Variants in PTPRE observed in about 807,000 individuals in gnomAD.
PTPRE encodes receptor-type tyrosine-protein phosphatase epsilon.
In PTPRE, 51 loss-of-function variants were observed where a neutral mutation model predicts 102.0. The observed-to-expected ratio is 0.50, with a 90% CI of 0.40 to 0.63. PTPRE has a LOEUF of 0.63. Among genes scored for constraint, PTPRE ranks in the 30% least tolerant of loss-of-function variants. The pLI is 0.00. For synonymous variants in PTPRE, 345 were observed against 348.2 expected, an observed-to-expected ratio of 0.99 and a Z score of 0.10; for missense variants, 752 against 915.1, an observed-to-expected ratio of 0.82 and a Z score of 2.30.
rs149717758 is a variant in PTPRE, at chr10:127,919,045, T to C, written c.-31+11736T>C. ...TATCTTGAAGATGCAAAAATTCATT[T>C]TGTACCTTTATTTTACACATCAGAC... On this transcript the variant is annotated intron_variant, in intron 1 of 20. Transcript: ENST00000254667. 3.7e-4 allele frequency among the ~76,000 whole-genome samples: 56 copies of C among 152,282 alleles called. No individual in the cohort carries two copies. In the East Asian group the frequency reaches 0.011, roughly 29 times the overall value.
At chr10:127,937,680 G>T (rs368310432) in intron 1 of PTPRE, among the ~76,000 whole-genome samples, 120 of 150,772 alleles carry the variant, frequency 8.0e-4, no homozygotes, top group African/African-American at 2.5e-3. Context: ...CCAACATGGT[G>T]AAACCCCATC....
At chr10:127,970,797 A>G (rs1270247077) in intron 1 of PTPRE, among the ~76,000 whole-genome samples, 4 of 151,456 alleles carry the variant, frequency 2.6e-5, no homozygotes, top group Non-Finnish European at 4.4e-5. Context: ...CCTTGTTACT[A>G]TGGAAGATTT....
chr10:128,021,117 G>A (rs901933198), intron 2 of PTPRE, among the ~76,000 whole-genome samples: 9 of 152,056 alleles, frequency 5.9e-5, no homozygotes, highest in Admixed American at 1.3e-4. Flanking sequence ...GGATGGTCTC[G>A]ATCTCCTGAC....
intron 3 of PTPRE, among the ~76,000 whole-genome samples, chr10:128,045,989 C>G (rs2135829000): frequency 6.6e-6 from 1 of 152,300 alleles, no homozygotes; most frequent in Middle Eastern, 3.4e-3. Flanking sequence ...GCCAGGTGAA[C>G]AGTGCCCTCT....
intron 1 of PTPRE, among the ~76,000 whole-genome samples, chr10:127,935,798 C>T (rs1478237304): frequency 6.6e-6 from 1 of 152,204 alleles, no homozygotes; most frequent in Non-Finnish European, 1.5e-5. Context: ...ACCCCTCCAC[C>T]TGAAGTCCAC....
rs142445895 is a variant in PTPRE at position 127,968,009 on chromosome 10, G to GGTGTGTGT, written c.-30-14234_-30-14227dup. Among the ~76,000 whole-genome samples, 1,418 of 143,190 alleles carry GGTGTGTGT rather than the reference G, an allele frequency of 9.9e-3. 16 individuals are homozygous for GGTGTGTGT. Among genetic ancestry groups the GGTGTGTGT allele is most frequent in the African/African-American group, 0.021 (797 of 38,496 alleles). 93.9% of individuals were successfully genotyped at this position (143,190 alleles called of 152,430 possible). A position where few individuals can be genotyped will look rare whatever the true frequency, so the allele number is the denominator to read the frequency against. On this transcript the variant is annotated intron_variant, in intron 1 of 20. Coordinates refer to ENST00000254667, the MANE Select transcript of PTPRE (RefSeq NM_006504.6). Reference sequence around the variant, plus strand: ...TGAATGCCTCCCAGGTTGCTCTATAGGTGTGTGTGTGTGTGTGTGTGTGTG... The same window carrying GGTGTGTGT: ...TGAATGCCTCCCAGGTTGCTCTATAGGTGTGTGTGTGTGTGTGTGTGTGTGTGTGTGTG...
chr10:128,010,960 C>A (rs1376580210), intron 2 of PTPRE, among the ~76,000 whole-genome samples: 1 of 152,142 alleles, frequency 6.6e-6, no homozygotes, highest in Non-Finnish European at 1.5e-5. Context: ...GGTTCGTGTC[C>A]CAGGAGCCAC....
chr10:127,981,327 A>G (rs921078330), intron 1 of PTPRE, among the ~76,000 whole-genome samples: 3 of 152,166 alleles, frequency 2.0e-5, no homozygotes, highest in Non-Finnish European at 4.4e-5. Flanking sequence ...CTTGGGAGCT[A>G]GTGAGCTAAT....
At chr10:127,977,451 C>G (rs1173290154) in intron 1 of PTPRE, among the ~76,000 whole-genome samples, 2 of 152,178 alleles carry the variant, frequency 1.3e-5, no homozygotes, top group African/African-American at 2.4e-5. Flanking sequence ...AAAAGACTAG[C>G]TTGGAGATAC....
At chr10:128,001,513 G>C (rs1270121266) in intron 2 of PTPRE, among the ~76,000 whole-genome samples, 1 of 152,154 alleles carries the variant, frequency 6.6e-6, no homozygotes, top group Non-Finnish European at 1.5e-5. Flanking sequence ...CTTCTTCGGG[G>C]CTGTTCAGTG....
At chr10:127,911,431 AACCC>A (rs2135129328) in intron 1 of PTPRE, among the ~76,000 whole-genome samples, 1 of 152,300 alleles carries the variant, frequency 6.6e-6, no homozygotes, top group South Asian at 2.1e-4. Context: ...AAGCAAACGA[AACCC>A]ACCCCTGAGA....
chr10:127,921,792 G>A (rs1382326290), intron 1 of PTPRE, among the ~76,000 whole-genome samples: 1 of 152,180 alleles, frequency 6.6e-6, no homozygotes, highest in Non-Finnish European at 1.5e-5. Context: ...GTGTGGCCAG[G>A]GTGGAGAATG....
Position 128,085,096 on chromosome 10 carries a change from C to T in PTPRE, c.*2190C>T. On this transcript the variant is annotated 3_prime_UTR_variant, in exon 21 of 21. Coordinates refer to ENST00000254667, the MANE Select transcript of PTPRE (RefSeq NM_006504.6). ...AGGAACAAAGGAGAAGCCACTTTCC[C>T]CAGGACGCAAGACTCTCCCCTCCAC... The T allele has an allele frequency of 2.2e-6, 1 of 456,114 alleles. No homozygotes were observed. Among genetic ancestry groups the T allele is most frequent in the Non-Finnish European group, 4.4e-6 (1 of 226,874 alleles). 28.3% of individuals were successfully genotyped at this position (456,114 alleles called of 1,614,324 possible). A position where few individuals can be genotyped will look rare whatever the true frequency, so the allele number is the denominator to read the frequency against.
At chr10:127,962,288 A>G (rs531542686) in intron 1 of PTPRE, among the ~76,000 whole-genome samples, 2 of 152,172 alleles carry the variant, frequency 1.3e-5, no homozygotes, top group Non-Finnish European at 2.9e-5. Context: ...GAAGGCTGGC[A>G]CAGACGGCAT....
intron 2 of PTPRE, among the ~76,000 whole-genome samples, chr10:127,991,163 A>G (rs1261761210): frequency 6.6e-6 from 1 of 152,236 alleles, no homozygotes; most frequent in Non-Finnish European, 1.5e-5. Context: ...AGTGGATGTC[A>G]CCGGGATGAA....
In PTPRE at chr10:128,066,075, G is replaced by A. The variant is rs1850062328; in HGVS notation, c.724G>A (p.Glu242Lys). The part of the protein sequence containing the change: ...MLTNLKERKE[E>K]KCHQYWPDQG... ...GCTTCTATTAAATTGTTCCGTGCAGGAAAAGTGCCATCAGTACTGGCCCGA... is the reference window on the plus strand; with the variant it reads ...GCTTCTATTAAATTGTTCCGTGCAGAAAAAGTGCCATCAGTACTGGCCCGA... The change falls in exon 11 of 21, where the codon GAA becomes AAA. Residue 242 changes from glutamate (E) to lysine (K), a missense_variant and splice_region_variant. Physicochemically the swap from Glu to Lys is moderately conservative, Grantham distance 56. This residue lies in a region of PTPRE where 636 missense variants were observed against 824.4 expected (regional missense o/e 0.77). Coordinates refer to ENST00000254667, the MANE Select transcript of PTPRE (RefSeq NM_006504.6). The A allele has an allele frequency of 1.2e-6, 2 of 1,614,076 alleles. No individual in the cohort carries two copies. Among genetic ancestry groups the A allele is most frequent in the Non-Finnish European group, 1.7e-6 (2 of 1,180,044 alleles).
chr10:128,066,229 T>A, intron 11 of PTPRE, 35 bp downstream of exon 11: 1 of 1,607,876 alleles, frequency 6.2e-7, no homozygotes, highest in Non-Finnish European at 8.5e-7. Flanking sequence ...TCCAGAAAGA[T>A]CATTTTCAGA....
intron 2 of PTPRE, chr10:127,999,307 TC>T (rs1252293878): frequency 6.5e-6 from 1 of 154,422 alleles, no homozygotes; most frequent in Non-Finnish European, 1.4e-5. Context: ...TTTTGTGTTT[TC>T]TTCACTTCAT....
intron 2 of PTPRE, among the ~76,000 whole-genome samples, chr10:127,985,369 G>T (rs1348503738): frequency 6.6e-6 from 1 of 152,240 alleles, no homozygotes; most frequent in Non-Finnish European, 1.5e-5. Flanking sequence ...GATCATTTGA[G>T]ATCAGGAGTT....
Sources: gnomAD v4.1 joint callset for allele counts (sites outside exome capture counted in the v4.1 genomes callset) on GRCh38, gnomAD v4.1.1 for gene constraint, gnomAD v4.1.1 regional missense constraint, MANE v1.5 for transcripts, NCBI Gene and HGNC (gene_info 2026-07-23, HGNC 2026-07-21) for gene names.